NDST4: variants seen among roughly 807,000 people sequenced by gnomAD.
NDST4 encodes the protein N-deacetylase and N-sulfotransferase 4.
A neutral mutation model predicts 100.8 loss-of-function variants in NDST4; 63 were observed. The ratio of observed to expected loss-of-function variants is 0.62; its 90% CI spans 0.51 to 0.77. The LOEUF (loss-of-function observed/expected upper bound fraction) is 0.77. Among genes scored for constraint, NDST4 ranks in the 30% least tolerant of loss-of-function variants. The probability of loss-of-function intolerance (pLI) is 0.00; values close to 1 mark genes in which losing one functional copy is unlikely to be tolerated. For synonymous variants in NDST4, 377 were observed against 361.8 expected, an observed-to-expected ratio of 1.04 and a Z score of -0.48; for missense variants, 943 against 1,018.4, an observed-to-expected ratio of 0.93 and a Z score of 1.01.
chr4:114,877,454 T>G (rs1578360007), intron 6 of NDST4, among the ~76,000 whole-genome samples: 1 of 152,216 alleles, frequency 6.6e-6, no homozygotes, highest in Non-Finnish European at 1.5e-5. Flanking sequence ...GAGAAATGAT[T>G]GTTTCACTTG....
intron 1 of NDST4, among the ~76,000 whole-genome samples, chr4:115,078,154 A>G (rs1368794319): frequency 6.6e-6 from 1 of 152,290 alleles, no homozygotes; most frequent in South Asian, 2.1e-4. Flanking sequence ...AAAATTTATA[A>G]AGAAAAAAAG....
intron 1 of NDST4, among the ~76,000 whole-genome samples, chr4:115,099,260 GA>G (rs1196967910): frequency 6.6e-6 from 1 of 151,886 alleles, no homozygotes; most frequent in Admixed American, 6.6e-5. Context: ...AGATGACCTT[GA>G]TTTTTTTTTA....
intron 13 of NDST4, among the ~76,000 whole-genome samples, chr4:114,828,549 C>A (rs906217985): frequency 6.6e-6 from 1 of 151,506 alleles, no homozygotes; most frequent in Non-Finnish European, 1.5e-5. Context: ...AGAGATGGGC[C>A]GTTATTAGAG....
intron 8 of NDST4, among the ~76,000 whole-genome samples, chr4:114,849,120 T>A (rs774266890): frequency 2.6e-5 from 4 of 152,228 alleles, no homozygotes; most frequent in Non-Finnish European, 5.9e-5. Context: ...ACAAGTCTGA[T>A]AATTGGAGCA....
chr4:115,077,018 G>C lies in NDST4; in HGVS notation c.19C>G (p.Leu7Val), dbSNP rs199816922. The change falls in exon 2 of 14, where the codon CTT (leucine) becomes GTT (valine). Residue 7 changes from leucine to valine, a missense_variant. Physicochemically the swap from Leu to Val is conservative, Grantham distance 32 (BLOSUM62 1). This residue lies in a region of NDST4 where 417 missense variants were observed against 384.2 expected (regional missense o/e 1.09). Transcript: ENST00000264363. MNLIVK[L>V]RRSFRTLIVL... ...ATCAATGTTCGAAAACTTCTCCGAAGTTTCACAATAAGATTCATTTTTTAG... is the reference window on the plus strand; with the variant it reads ...ATCAATGTTCGAAAACTTCTCCGAACTTTCACAATAAGATTCATTTTTTAG... 2.5e-6 allele frequency: 4 copies of C among 1,600,834 alleles called. No homozygotes were observed. Among genetic ancestry groups the C allele is most frequent in the Non-Finnish European group, 3.4e-6 (4 of 1,175,370 alleles).
At position 114,852,756 on chromosome 4, in the gene NDST4, T is replaced by C; in HGVS notation, c.1785A>G (p.Pro595=). The part of the protein sequence containing the change: ...WSREKTCDHL[P]KFLVIGPQKT... Reference sequence around the variant, plus strand: ...TTTGTGGACCAATTACTAGAAATTTTGGTAAGTGGTCACAAGTTTTCTCTC... The same window carrying C: ...TTTGTGGACCAATTACTAGAAATTTCGGTAAGTGGTCACAAGTTTTCTCTC... The change falls in exon 8 of 14, where the codon CCA becomes CCG. Residue 595 remains proline (P), a synonymous_variant. Transcript: ENST00000264363. 6.2e-7 allele frequency: 1 copy of C among 1,612,428 alleles called. No individual in the cohort carries two copies. Among genetic ancestry groups the C allele is most frequent in the Admixed American group, 1.7e-5 (1 of 59,912 alleles).
At chr4:114,942,324 T>C (rs1560823466) in intron 4 of NDST4, among the ~76,000 whole-genome samples, 1 of 152,128 alleles carries the variant, frequency 6.6e-6, no homozygotes, top group Admixed American at 6.5e-5. Flanking sequence ...TGGAGACAAT[T>C]GTGGAAATCA....
At position 114,984,141 on chromosome 4, in the gene NDST4, ACTATTTATTTATTTATTTAT is replaced by A. The variant is rs746687532; in HGVS notation, c.979-6887_979-6868del. ...TTTATAGCAGTGTGAACAAACTAAT[ACTATTTATTTATTTATTTAT>A]TTATTTATTTATTTATTTATTTATT... is the stretch of plus-strand genomic sequence containing the variant. On this transcript the variant is annotated intron_variant, in intron 2 of 13. Coordinates refer to ENST00000264363, the MANE Select transcript of NDST4 (RefSeq NM_022569.3). Among the ~76,000 whole-genome samples the A allele has an allele frequency of 8.1e-3, 1,125 of 138,672 alleles. 15 individuals carry two copies. Among genetic ancestry groups the A allele is most frequent in the Middle Eastern group, 0.019 (5 of 264 alleles). 91.0% of individuals were successfully genotyped at this position (138,672 alleles called of 152,430 possible). A position where few individuals can be genotyped will look rare whatever the true frequency, so the allele number is the denominator to read the frequency against.
At chr4:114,943,521 A>G (rs1315117536) in intron 4 of NDST4, among the ~76,000 whole-genome samples, 2 of 152,164 alleles carry the variant, frequency 1.3e-5, no homozygotes, top group African/African-American at 2.4e-5. Flanking sequence ...TTGGGGCCTT[A>G]TAGTCTTACA....
chr4:114,867,863 T>C (rs1724068483), intron 7 of NDST4, among the ~76,000 whole-genome samples: 2 of 152,062 alleles, frequency 1.3e-5, no homozygotes, highest in Non-Finnish European at 2.9e-5. Flanking sequence ...CACATTCCCA[T>C]GTTAATCACC....
At chr4:114,885,570 C>T (rs72681405) in intron 6 of NDST4, among the ~76,000 whole-genome samples, 11,314 of 151,952 alleles carry the variant, frequency 0.074, 491 homozygotes, top group East Asian at 0.13. Context: ...TGTTTCTGTG[C>T]CTTAATTTGG....
intron 4 of NDST4, among the ~76,000 whole-genome samples, chr4:114,965,025 T>A (rs1726349996): frequency 6.6e-6 from 1 of 151,142 alleles, no homozygotes; most frequent in Non-Finnish European, 1.5e-5. Flanking sequence ...AGTGTAAAGA[T>A]TTTTTTATTT....
At chr4:115,063,089 T>C (rs982224186) in intron 2 of NDST4, among the ~76,000 whole-genome samples, 3 of 151,894 alleles carry the variant, frequency 2.0e-5, no homozygotes, top group African/African-American at 7.3e-5. Flanking sequence ...ATTGGAAAGG[T>C]GGTGGTATTA....
chr4:115,011,695 G>A (rs576061253), intron 2 of NDST4, among the ~76,000 whole-genome samples: 101 of 151,830 alleles, frequency 6.7e-4, no homozygotes, highest in African/African-American at 2.0e-3. Context: ...AATATTAAAA[G>A]TTTTTATCTC....
At chr4:115,096,066 A>G (rs1187141218) in intron 1 of NDST4, among the ~76,000 whole-genome samples, 1 of 151,836 alleles carries the variant, frequency 6.6e-6, no homozygotes, top group Non-Finnish European at 1.5e-5. Context: ...TTATTATATT[A>G]ATTCTATTTT....
chr4:114,888,032 G>T (rs1030239562), intron 6 of NDST4, among the ~76,000 whole-genome samples: 15 of 151,858 alleles, frequency 9.9e-5, no homozygotes, highest in Non-Finnish European at 2.2e-4. Flanking sequence ...GCGAAACCCT[G>T]ACTCTACTAA....
chr4:114,965,551 CACTT>C (rs920956547), intron 4 of NDST4, among the ~76,000 whole-genome samples: 2 of 151,906 alleles, frequency 1.3e-5, no homozygotes, highest in Non-Finnish European at 2.9e-5. Flanking sequence ...CAAGAATCTT[CACTT>C]AGTCATGAAA....
chr4:115,052,779 CA>C (rs1728614446), intron 2 of NDST4, among the ~76,000 whole-genome samples: 1 of 152,092 alleles, frequency 6.6e-6, no homozygotes, highest in Non-Finnish European at 1.5e-5. Context: ...TTCATTCATT[CA>C]TTCAACAAAT....
chr4:115,102,945 T>G (rs1729763505), intron 1 of NDST4, among the ~76,000 whole-genome samples: 1 of 151,990 alleles, frequency 6.6e-6, no homozygotes, highest in South Asian at 2.1e-4. Context: ...TGATCTCAGG[T>G]GATCCACCAG....
Sources: gnomAD v4.1 joint callset for allele counts (sites outside exome capture counted in the v4.1 genomes callset) on GRCh38, gnomAD v4.1.1 for gene constraint, gnomAD v4.1.1 regional missense constraint, MANE v1.5 for transcripts, NCBI Gene and HGNC (gene_info 2026-07-23, HGNC 2026-07-21) for gene names.